TNR: variants seen among roughly 807,000 people sequenced by gnomAD.
TNR encodes tenascin R.
In TNR, 45 loss-of-function variants were observed where a neutral mutation model predicts 150.4. The ratio of observed to expected loss-of-function variants is 0.30; its 90% CI spans 0.24 to 0.38. The LOEUF (loss-of-function observed/expected upper bound fraction) is 0.38, where lower values mean the gene tolerates loss of function less well. TNR is among the 10% of genes least tolerant of loss of function. The pLI is 1.00. For missense variants in TNR, 1,544 were observed against 1,759.1 expected, an observed-to-expected ratio of 0.88 and a Z score of 2.19; for synonymous variants, 687 against 678.4, an observed-to-expected ratio of 1.01 and a Z score of -0.20.
intron 1 of TNR, among the ~76,000 whole-genome samples, chr1:175,564,523 A>G (rs1477159464): frequency 6.6e-6 from 1 of 152,220 alleles, no homozygotes; most frequent in Non-Finnish European, 1.5e-5. Flanking sequence ...TTTAAAAATA[A>G]TGTTGTATTG....
At chr1:175,610,444 G>C (rs917315982) in intron 1 of TNR, among the ~76,000 whole-genome samples, 2 of 152,194 alleles carry the variant, frequency 1.3e-5, no homozygotes, top group East Asian at 1.9e-4. Context: ...AAACAAAAAT[G>C]CTTGTTAACC....
Position 175,527,397 on chromosome 1 carries a change from C to T in TNR, c.-64+872G>A, listed in dbSNP as rs186430585. Among the ~76,000 whole-genome samples the T allele has an allele frequency of 2.2e-3, 339 of 152,246 alleles. 1 individual carries two copies. The highest frequency in any genetic ancestry group is 7.7e-3 in the African/African-American group (318 of 41,550). The stretch of plus-strand genomic sequence containing the variant: ...AACATGGGGCTTCAGAAAAGACTTG[C>T]CTTAAATCTGTAGAGTAGCATGAGG... On this transcript the variant is annotated intron_variant, in intron 2 of 22. Transcript: ENST00000367674.
At chr1:175,615,915 A>T (rs1053539944) in intron 1 of TNR, among the ~76,000 whole-genome samples, 1 of 152,248 alleles carries the variant, frequency 6.6e-6, no homozygotes, top group East Asian at 1.9e-4. Context: ...AAGATATTTA[A>T]TGACGTTCCA....
intron 1 of TNR, among the ~76,000 whole-genome samples, chr1:175,591,832 C>A (rs1662810886): frequency 1.3e-5 from 2 of 152,158 alleles, no homozygotes; most frequent in Non-Finnish European, 2.9e-5. Flanking sequence ...TTTGGACAAG[C>A]AATATGAGGG....
At chr1:175,335,436 C>T in intron 20 of TNR, 1 of 321,406 alleles carries the variant, frequency 3.1e-6, no homozygotes, top group South Asian at 1.0e-4. Context: ...CCAGGCAGCT[C>T]ACTCCCTTTG....
At chr1:175,362,355 A>G (rs1333542404) in intron 14 of TNR, among the ~76,000 whole-genome samples, 1 of 152,172 alleles carries the variant, frequency 6.6e-6, no homozygotes, top group African/African-American at 2.4e-5. Flanking sequence ...AAATCAGATG[A>G]ATGATTCAGA....
At chr1:175,681,771 G>A (rs1666040993) in intron 1 of TNR, among the ~76,000 whole-genome samples, 3 of 152,176 alleles carry the variant, frequency 2.0e-5, no homozygotes. Context: ...AGAGGGAAGG[G>A]CTGGGAGCAG....
chr1:175,554,630 C>T (rs147600588), intron 1 of TNR, among the ~76,000 whole-genome samples: 6 of 152,284 alleles, frequency 3.9e-5, no homozygotes, highest in South Asian at 2.1e-4. Context: ...TATTTGGTGG[C>T]TAAGGCTCTG....
intron 1 of TNR, among the ~76,000 whole-genome samples, chr1:175,659,774 T>G (rs1467857482): frequency 1.3e-5 from 2 of 152,204 alleles, no homozygotes; most frequent in Admixed American, 6.5e-5. Flanking sequence ...AGACCACAGC[T>G]GCAAAGCCTC....
Position 175,316,143 on chromosome 1 carries a change from G to C in TNR, c.*7214C>G, listed in dbSNP as rs763482068. ...TAAAGGGAAGGGGTTTATGTCTGGA[G>C]TTTTGGCCTGGCAGCTAAAAATACC... On this transcript the variant is annotated 3_prime_UTR_variant, in exon 23 of 23. Coordinates refer to ENST00000367674, the MANE Select transcript of TNR (RefSeq NM_003285.3). 1 of 152,180 alleles carries C rather than the reference G, an allele frequency of 6.6e-6. No individual in the cohort carries two copies. The highest frequency in any genetic ancestry group is 1.5e-5 in the Non-Finnish European group (1 of 68,032). The allele number at this position is 152,180 out of a possible 1,614,324, so 9.4% of individuals were successfully genotyped here.
chr1:175,740,817 C>A (rs1213664730), intron 1 of TNR, among the ~76,000 whole-genome samples: 3 of 152,128 alleles, frequency 2.0e-5, no homozygotes, highest in Non-Finnish European at 2.9e-5. Flanking sequence ...GAAGGTGGTC[C>A]CAGAAAAACG....
chr1:175,713,507 A>T (rs1053838484), intron 1 of TNR, among the ~76,000 whole-genome samples: 2 of 152,148 alleles, frequency 1.3e-5, no homozygotes, highest in African/African-American at 2.4e-5. Flanking sequence ...ACTCCTCCAC[A>T]ACTCGCTACT....
intron 2 of TNR, among the ~76,000 whole-genome samples, chr1:175,492,258 T>C (rs1384321829): frequency 3.3e-5 from 5 of 152,268 alleles, no homozygotes; most frequent in African/African-American, 1.2e-4. Flanking sequence ...CTATCATTTA[T>C]GAGAGCCATT....
At chr1:175,692,016 G>A (rs985661732) in intron 1 of TNR, among the ~76,000 whole-genome samples, 6 of 152,094 alleles carry the variant, frequency 3.9e-5, no homozygotes, top group African/African-American at 1.4e-4. Flanking sequence ...TCTTAATTAA[G>A]TTCAATTTTG....
At position 175,494,948 on chromosome 1, in the gene TNR, C is replaced by T. The variant is rs944189660; in HGVS notation, c.-64+33321G>A. Among the ~76,000 whole-genome samples, 9 of 152,150 alleles carry T rather than the reference C, an allele frequency of 5.9e-5. No homozygotes were observed. The East Asian group carries it at 9.6e-4, about 16-fold the overall frequency. On this transcript the variant is annotated intron_variant, in intron 2 of 22. Transcript: ENST00000367674. ...CCTCATACTCCAGAGGAGTCGAAAA[C>T]GGGTCGGTCATGGTCCTCTAGGTGA...
intron 2 of TNR, among the ~76,000 whole-genome samples, chr1:175,420,848 AGT>A (rs1654719615): frequency 6.6e-6 from 1 of 152,204 alleles, no homozygotes; most frequent in African/African-American, 2.4e-5. Flanking sequence ...AGAAATTCAC[AGT>A]GTAAAAAGGA....
chr1:175,649,705 C>T (rs1244335789), intron 1 of TNR, among the ~76,000 whole-genome samples: 1 of 152,166 alleles, frequency 6.6e-6, no homozygotes, highest in African/African-American at 2.4e-5. Flanking sequence ...CCTGAAGCTG[C>T]TCCTAACTGC....
At chr1:175,519,460 T>G (rs892010471) in intron 2 of TNR, among the ~76,000 whole-genome samples, 2 of 152,230 alleles carry the variant, frequency 1.3e-5, no homozygotes, top group African/African-American at 2.4e-5. Context: ...ATCACCATGC[T>G]TCCTTTATCT....
At chr1:175,397,587 C>T (rs758416122) in intron 4 of TNR, among the ~76,000 whole-genome samples, 24 of 152,336 alleles carry the variant, frequency 1.6e-4, no homozygotes, top group South Asian at 6.2e-4. Flanking sequence ...CTGGATACCA[C>T]GGCCTGATGA....
Sources: gnomAD v4.1 joint callset for allele counts (sites outside exome capture counted in the v4.1 genomes callset) on GRCh38, gnomAD v4.1.1 for gene constraint, MANE v1.5 for transcripts, NCBI Gene and HGNC (gene_info 2026-07-23, HGNC 2026-07-21) for gene names.